Variants in MAU2 observed in about 807,000 individuals in gnomAD.
MAU2 encodes MAU2 chromatid cohesion factor homolog.
In MAU2, 9 loss-of-function variants were observed where a neutral mutation model predicts 89.1. The observed-to-expected ratio is 0.10, with a 90% CI of 0.06 to 0.18. MAU2 has a LOEUF of 0.18. MAU2 is among the 10% of genes least tolerant of loss of function. MAU2 has a pLI of 1.00. For missense variants in MAU2, 425 were observed against 803.5 expected (o/e 0.53, Z 5.69); for synonymous variants, 357 against 343.4 (o/e 1.04, Z -0.44).
chr19:19,353,921 C>T (rs971611153), intron 16 of MAU2: 13 of 211,500 alleles, frequency 6.1e-5, no homozygotes, highest in Admixed American at 2.0e-4. Context: ...TGCGTGTCTG[C>T]GGGGGCCTCC....
rs35932608 is a variant in MAU2, at chr19:19,351,837, ATTTTTT to A, written c.1548+2425_1548+2430del. ...GTTTTGCTTGTCAGCCTGTTTGGTA[ATTTTTT>A]TTTTTTTTTTTTTTTTTTTTTTTGA... On this transcript the variant is annotated intron_variant, in intron 16 of 18. Transcript: ENST00000262815. Among the ~76,000 whole-genome samples the A allele has an allele frequency of 1.0e-4, 6 of 58,950 alleles. No homozygotes were observed. In the Admixed American group the frequency reaches 1.1e-3, roughly 11 times the overall value. The allele number at this position is 58,950 out of a possible 152,430, so 38.7% of individuals were successfully genotyped here.
chr19:19,329,287 C>A (rs1015270384), intron 1 of MAU2, among the ~76,000 whole-genome samples: 8 of 152,138 alleles, frequency 5.3e-5, no homozygotes, highest in Admixed American at 1.3e-4. Context: ...TGTGCTTCCT[C>A]CTGTTTTTGT....
chr19:19,347,249 A>C (rs1276646278), intron 12 of MAU2, 31 bp from the exon 13 acceptor site: 1 of 1,507,156 alleles, frequency 6.6e-7, no homozygotes, highest in Non-Finnish European at 9.2e-7. Context: ...CACCCGACCC[A>C]GCCCCCTAAT....
At chr19:19,332,597 C>CGAG (rs1555793611) in intron 1 of MAU2, among the ~76,000 whole-genome samples, 9 of 151,488 alleles carry the variant, frequency 5.9e-5, no homozygotes, top group African/African-American at 1.9e-4. Context: ...CGCTAGTGGA[C>CGAG]GCCTTCCACA....
chr19:19,321,081 T>G lies in MAU2; in HGVS notation c.222T>G (p.Val74=). Residue 74 remains valine, a synonymous_variant, in exon 1 of 19, where the codon GTT becomes GTG. Transcript: ENST00000262815. The part of the protein sequence containing the change: ...EARTHLQLGS[V]LYHHTKNSEQ... ...GTACACACCTGCAGCTGGGCTCCGT[T>G]CTCTATCACCACACCAAGAACAGCG... 1 of 1,611,424 alleles carries G rather than the reference T, an allele frequency of 6.2e-7. No individual in the cohort carries two copies. Among genetic ancestry groups the G allele is most frequent in the Non-Finnish European group, 8.5e-7 (1 of 1,179,142 alleles).
rs1163617928 is a variant in MAU2 at position 19,349,174 on chromosome 19, G to T, written c.1378G>T (p.Ala460Ser). 1 of 1,614,162 alleles carries T rather than the reference G, an allele frequency of 6.2e-7. No homozygotes were observed. The highest frequency in any genetic ancestry group is 2.2e-5 in the East Asian group (1 of 44,890). Residue 460 changes from alanine (A) to serine (S), a missense_variant, in exon 15 of 19, where the codon GCC (alanine) becomes TCC (serine). By Grantham distance (99) the Ala-to-Ser change is moderately conservative. Around this residue, in one of 11 missense-constraint regions of MAU2, gnomAD observed 66 missense variants for 129.1 expected, o/e 0.51. Transcript: ENST00000262815. ...FPVSSHCLRA[A>S]AFYVRGLFSF... is the part of the protein sequence containing the mutation. ...CTGCAGCTCGCACTGCCTCCGAGCA[G>T]CCGCCTTCTATGTGCGTGGGCTCTT... is the stretch of plus-strand genomic sequence containing the variant.
chr19:19,321,425 G>A (rs2061454998), intron 1 of MAU2: 1 of 369,488 alleles, frequency 2.7e-6, no homozygotes, highest in Non-Finnish European at 4.9e-6. Context: ...AACAGGATCC[G>A]CAAATCGTCT....
rs1213636811 is a variant in MAU2 at position 19,355,404 on chromosome 19, G to T, written c.1767+13G>T. The T allele has an allele frequency of 6.2e-7, 1 of 1,613,476 alleles. No homozygotes were observed. Among genetic ancestry groups the T allele is most frequent in the Admixed American group, 1.7e-5 (1 of 60,004 alleles). ...CAACCTCATCACGGTACGGGTGTGG[G>T]TGTTAGGGGACGGGATCAGGACTAG... On this transcript the variant is annotated intron_variant, in intron 18 of 18. Transcript: ENST00000262815.
At chr19:19,321,603 A>G (rs1351741906) in intron 1 of MAU2, 1 of 154,132 alleles carries the variant, frequency 6.5e-6, no homozygotes, top group Non-Finnish European at 1.4e-5. Context: ...TCTCCCGGGA[A>G]TCTGAAGTCT....
At chr19:19,341,910 C>T (rs1190588391) in intron 7 of MAU2, among the ~76,000 whole-genome samples, 3 of 152,116 alleles carry the variant, frequency 2.0e-5, no homozygotes, top group Non-Finnish European at 2.9e-5. Context: ...CTCAGCCCTT[C>T]GGGGGCTGGG....
At position 19,345,277 on chromosome 19, in the gene MAU2, C is replaced by A. The variant is rs760432154; in HGVS notation, c.1156-27C>A. On this transcript the variant is annotated intron_variant, in intron 11 of 18. Coordinates refer to ENST00000262815, the MANE Select transcript of MAU2 (RefSeq NM_015329.4). This position sits in a 1 kb window ranked among gnomAD's most constrained non-coding sequence, Gnocchi z 4.9. ...CTGAGCCCCCTCCCCAGGGGCCGGC[C>A]CTGATGACAACACCACCTTCTTCCA... The A allele has an allele frequency of 6.2e-6, 10 of 1,608,818 alleles. No homozygotes were observed. The highest frequency in any genetic ancestry group is 6.8e-6 in the Non-Finnish European group (8 of 1,175,568).
chr19:19,335,586 G>A, intron 1 of MAU2, 132 bp from the exon 2 acceptor site: 1 of 852,846 alleles, frequency 1.2e-6, no homozygotes, highest in South Asian at 1.5e-5. Flanking sequence ...AGGCCAAGCG[G>A]GCCGCCTTCT....
chr19:19,350,779 A>C (rs1351889845), intron 16 of MAU2, among the ~76,000 whole-genome samples: 1 of 152,064 alleles, frequency 6.6e-6, no homozygotes, highest in Non-Finnish European at 1.5e-5. Context: ...AGGCGCCTGT[A>C]GTCCCAGCTA....
Position 19,356,159 on chromosome 19 carries a change from C to A in MAU2, c.*377C>A. On this transcript the variant is annotated 3_prime_UTR_variant, in exon 19 of 19. Transcript: ENST00000262815. ...AGTGCCCCAGGGGCACCACGCCTGA[C>A]TCTCCATCACCCAGGCCTTGATGCC... The A allele has an allele frequency of 2.3e-6, 1 of 431,134 alleles. No individual in the cohort carries two copies. Among genetic ancestry groups the A allele is most frequent in the South Asian group, 1.8e-5 (1 of 56,536 alleles). 26.7% of individuals were successfully genotyped at this position (431,134 alleles called of 1,614,324 possible). A position where few individuals can be genotyped will look rare whatever the true frequency, so the allele number is the denominator to read the frequency against.
At chr19:19,326,721 C>CACATACAT (rs1555792869) in intron 1 of MAU2, among the ~76,000 whole-genome samples, 1 of 80,992 alleles carries the variant, frequency 1.2e-5, no homozygotes, top group African/African-American at 4.1e-5. Context: ...TATATATATA[C>CACATACAT]ATATATATAT....
chr19:19,349,087 C>T, intron 14 of MAU2, 68 bp from the exon 15 acceptor site: 1 of 1,586,452 alleles, frequency 6.3e-7, no homozygotes, highest in South Asian at 1.1e-5. Context: ...CCCCCAGCTG[C>T]CCACTGCCGT....
intron 1 of MAU2, chr19:19,322,002 T>C (rs7247263): frequency 0.57 from 85,311 of 149,242 alleles, 25,574 homozygotes; most frequent in East Asian, 0.68. Context: ...AACTTTCTTT[T>C]TTTTTTTTTT....
chr19:19,321,247 G>A, intron 1 of MAU2, 112 bp downstream of exon 1: 2 of 1,272,074 alleles, frequency 1.6e-6, no homozygotes, highest in Non-Finnish European at 2.1e-6. Context: ...CTGGGGGCGC[G>A]ACCTCCGTCA....
rs531659837 is a variant in MAU2 at position 19,334,216 on chromosome 19, C to T, written c.277-1502C>T. 44 of 984,754 alleles carry T rather than the reference C, an allele frequency of 4.5e-5. No individual in the cohort carries two copies. The Admixed American group carries it at 4.9e-4, about 11-fold the overall frequency. The allele number at this position is 984,754 out of a possible 1,614,324, so 61.0% of individuals were successfully genotyped here. A position where few individuals can be genotyped will look rare whatever the true frequency, so the allele number is the denominator to read the frequency against. On this transcript the variant is annotated intron_variant, in intron 1 of 18. Coordinates refer to ENST00000262815, the MANE Select transcript of MAU2 (RefSeq NM_015329.4). ...CTCACCTCTGGGGCCACACTTCTGA[C>T]GGCAGGTGCTGGCCCCGCCACTCTG...
Sources: gnomAD v4.1 joint callset for allele counts (sites outside exome capture counted in the v4.1 genomes callset) on GRCh38, gnomAD v4.1.1 for gene constraint, gnomAD v4.1.1 regional missense constraint, Gnocchi (gnomAD v3.1) non-coding constraint, MANE v1.5 for transcripts, NCBI Gene and HGNC (gene_info 2026-07-23, HGNC 2026-07-21) for gene names.